Variants in NDRG1 observed in about 807,000 individuals in gnomAD.
NDRG1 encodes the protein N-myc downstream regulated 1.
Under a neutral mutation model 56.9 loss-of-function variants are expected in NDRG1, and 32 were observed. The observed-to-expected ratio is 0.56, with a 90% CI of 0.42 to 0.76. The LOEUF (loss-of-function observed/expected upper bound fraction) is 0.76. NDRG1 is among the 30% of genes least tolerant of loss of function. NDRG1 has a pLI of 0.00. For synonymous variants in NDRG1, 211 were observed against 204.1 expected (o/e 1.03, Z -0.29); for missense variants, 507 against 545.7 (o/e 0.93, Z 0.71).
chr8:133,259,753 T>C (rs1856569567), intron 5 of NDRG1, among the ~76,000 whole-genome samples: 1 of 152,104 alleles, frequency 6.6e-6, no homozygotes, highest in Non-Finnish European at 1.5e-5. Context: ...GGTGAGGCAA[T>C]GGCAGGGGTC....
At chr8:133,265,919 C>T (rs1216629047) in intron 3 of NDRG1, among the ~76,000 whole-genome samples, 2 of 152,262 alleles carry the variant, frequency 1.3e-5, no homozygotes, top group East Asian at 1.9e-4. Flanking sequence ...CTCCCTTGAG[C>T]AATTTCCACA....
intron 4 of NDRG1, 76 bp from the exon 5 acceptor site, chr8:133,262,243 C>T: frequency 6.5e-7 from 1 of 1,537,858 alleles, no homozygotes; most frequent in African/African-American, 1.4e-5. Flanking sequence ...TGGCAAAGCA[C>T]ATTCATTTTG....
chr8:133,293,470 A>C, intron 1 of NDRG1, among the ~76,000 whole-genome samples: 1 of 152,166 alleles, frequency 6.6e-6, no homozygotes, highest in East Asian at 1.9e-4. Context: ...TGGACAGAAG[A>C]GTCACCAGCC....
At chr8:133,291,577 A>G (rs533821831) in intron 1 of NDRG1, among the ~76,000 whole-genome samples, 4 of 152,252 alleles carry the variant, frequency 2.6e-5, no homozygotes, top group Non-Finnish European at 1.5e-5. Context: ...TCAACTCAGC[A>G]AACAATATGG....
chr8:133,259,799 A>C (rs968725585), intron 5 of NDRG1, among the ~76,000 whole-genome samples: 4 of 152,248 alleles, frequency 2.6e-5, no homozygotes, highest in African/African-American at 9.6e-5. Flanking sequence ...GACAGGAGCC[A>C]GCCCTCGAGT....
At chr8:133,246,747 G>C in intron 12 of NDRG1, 84 bp from the exon 13 acceptor site, 1 of 1,244,812 alleles carries the variant, frequency 8.0e-7, no homozygotes, top group Non-Finnish European at 1.2e-6. Context: ...CTCTGCCACC[G>C]TCACCAGAAA....
At chr8:133,267,333 T>C (rs925267022) in intron 3 of NDRG1, among the ~76,000 whole-genome samples, 4 of 152,068 alleles carry the variant, frequency 2.6e-5, no homozygotes, top group Non-Finnish European at 5.9e-5. Flanking sequence ...GTGAGGGTGG[T>C]GACACATAAA....
chr8:133,266,764 G>A (rs1038536472), intron 3 of NDRG1, among the ~76,000 whole-genome samples: 18 of 152,308 alleles, frequency 1.2e-4, no homozygotes, highest in Middle Eastern at 3.4e-3. Flanking sequence ...CCGCAGGGAC[G>A]AGTGGGTGAC....
Position 133,238,812 on chromosome 8 carries a change from A to G in NDRG1, c.*66T>C. The stretch of plus-strand genomic sequence containing the variant: ...CGCAGTATGGCAGGCAGGGGGCGAA[A>G]AGGGGCCGGGGAGGAGGGGGCCACT... On this transcript the variant is annotated 3_prime_UTR_variant, in exon 16 of 16. Coordinates refer to ENST00000323851, the MANE Select transcript of NDRG1 (RefSeq NM_006096.4). 1 of 1,507,768 alleles carries G rather than the reference A, an allele frequency of 6.6e-7. No homozygotes were observed. Among genetic ancestry groups the G allele is most frequent in the Non-Finnish European group, 8.8e-7 (1 of 1,130,152 alleles). The allele number at this position is 1,507,768 out of a possible 1,614,324, so 93.4% of individuals were successfully genotyped here.
chr8:133,268,142 G>T (rs1857009611), intron 3 of NDRG1, among the ~76,000 whole-genome samples: 1 of 152,124 alleles, frequency 6.6e-6, no homozygotes, highest in East Asian at 1.9e-4. Flanking sequence ...CTGCATAGCT[G>T]CCTGCTCTCA....
chr8:133,258,665 C>T (rs763909513), intron 6 of NDRG1, among the ~76,000 whole-genome samples: 3 of 152,220 alleles, frequency 2.0e-5, no homozygotes, highest in Non-Finnish European at 2.9e-5. Context: ...TCTGAGAGAC[C>T]GTCTGACATT....
intron 3 of NDRG1, among the ~76,000 whole-genome samples, chr8:133,277,697 G>A (rs910754853): frequency 1.3e-5 from 2 of 152,186 alleles, no homozygotes; most frequent in Admixed American, 1.3e-4. Flanking sequence ...TGGATGTTAC[G>A]TGTATGTTTC....
At chr8:133,296,400 G>C (rs1382469353) in intron 1 of NDRG1, 1 of 441,850 alleles carries the variant, frequency 2.3e-6, no homozygotes. Context: ...GGGTTCCTCC[G>C]GGGGCGCACC....
At chr8:133,284,840 C>T (rs1284720725) in intron 1 of NDRG1, 1 of 456,810 alleles carries the variant, frequency 2.2e-6, no homozygotes, top group South Asian at 1.5e-5. Flanking sequence ...CACACAGGCA[C>T]ACGCATGCGC....
intron 2 of NDRG1, among the ~76,000 whole-genome samples, chr8:133,280,595 AT>A (rs1234752473): frequency 1.3e-5 from 2 of 151,380 alleles, no homozygotes; most frequent in Non-Finnish European, 2.9e-5. Flanking sequence ...AGTTATTTTT[AT>A]TTTTATTTTT....
In NDRG1 at chr8:133,295,774, G is replaced by A. The variant is rs115934763; in HGVS notation, c.-19+1360C>T. 7.6e-3 allele frequency among the ~76,000 whole-genome samples: 1,162 copies of A among 152,296 alleles called. 11 individuals carry two copies. Among genetic ancestry groups the A allele is most frequent in the African/African-American group, 0.025 (1,059 of 41,554 alleles). ...CCCGTGCAGCTGATGGGTATTATAA[G>A]GATGTCTACCGCCCTCCTGCCTGGC... On this transcript the variant is annotated intron_variant, in intron 1 of 15. Coordinates refer to ENST00000323851, the MANE Select transcript of NDRG1 (RefSeq NM_006096.4).
At chr8:133,258,143 G>A (rs1054377177) in intron 7 of NDRG1, among the ~76,000 whole-genome samples, 3 of 152,044 alleles carry the variant, frequency 2.0e-5, no homozygotes, top group African/African-American at 7.2e-5. Context: ...CAAAGCCCAT[G>A]ACAAAGGAAT....
At chr8:133,239,203 C>T in intron 15 of NDRG1, 84 bp from the exon 16 acceptor site, 2 of 1,537,834 alleles carry the variant, frequency 1.3e-6, no homozygotes, top group Non-Finnish European at 1.8e-6. Flanking sequence ...GCCACATGCT[C>T]TTCTACGTGC....
At chr8:133,274,987 C>T (rs1489737009) in intron 3 of NDRG1, among the ~76,000 whole-genome samples, 1 of 152,214 alleles carries the variant, frequency 6.6e-6, no homozygotes, top group Non-Finnish European at 1.5e-5. Flanking sequence ...AGGTGCTGTC[C>T]TGTCGCTTTG....
Sources: allele counts gnomAD v4.1 joint callset (sites outside exome capture counted in the v4.1 genomes callset), GRCh38; gene constraint gnomAD v4.1.1; transcripts MANE v1.5; gene names NCBI Gene and HGNC (gene_info 2026-07-23, HGNC 2026-07-21).